GPT2: variants seen among roughly 807,000 people sequenced by gnomAD.
GPT2 encodes alanine aminotransferase 2.
GPT2 carries 30 observed loss-of-function variants against 56.9 expected under a neutral mutation model. That is an observed-to-expected ratio of 0.53 (90% CI 0.39 to 0.72). The LOEUF is 0.72. Ranked by LOEUF, GPT2 falls within the 30% of genes least tolerant of loss-of-function variation. GPT2 has a pLI of 0.00. For synonymous variants in GPT2, 271 were observed against 283.1 expected (o/e 0.96, Z 0.43); for missense variants, 542 against 703.4 (o/e 0.77, Z 2.60).
rs568478388 is a variant in GPT2, at chr16:46,884,564, G to A, written c.-23+97G>A. The stretch of plus-strand genomic sequence containing the variant: ...GCCGTGGAGGGTCCGGGTCGCCGGG[G>A]GATGGGCACCAGCGCCGAAGCCAGG... On this transcript the variant is annotated intron_variant, in intron 1 of 11. Coordinates refer to ENST00000340124, the MANE Select transcript of GPT2 (RefSeq NM_133443.4). 38 of 991,560 alleles carry A rather than the reference G, an allele frequency of 3.8e-5. 1 individual carries two copies. The highest frequency in any genetic ancestry group is 1.3e-6 in the Non-Finnish European group (1 of 765,226). 61.4% of individuals were successfully genotyped at this position (991,560 alleles called of 1,614,324 possible).
chr16:46,901,734 C>T (rs1258439675), intron 4 of GPT2, among the ~76,000 whole-genome samples: 1 of 152,124 alleles, frequency 6.6e-6, no homozygotes, highest in African/African-American at 2.4e-5. Context: ...CTGCTCCGTC[C>T]CTTATTGACG....
At chr16:46,888,723 C>CA (rs1330300382) in intron 2 of GPT2, among the ~76,000 whole-genome samples, 1 of 152,130 alleles carries the variant, frequency 6.6e-6, no homozygotes, top group East Asian at 1.9e-4. Flanking sequence ...AATCATGACT[C>CA]ACTGCAGCCT....
intron 2 of GPT2, among the ~76,000 whole-genome samples, chr16:46,893,791 G>A (rs1014542968): frequency 6.6e-6 from 1 of 152,200 alleles, no homozygotes; most frequent in Admixed American, 6.5e-5. Flanking sequence ...GATATGTGCA[G>A]GTGGATTCGA....
At chr16:46,900,883 GGT>G in intron 4 of GPT2, 93 bp downstream of exon 4, 1 of 990,126 alleles carries the variant, frequency 1.0e-6, no homozygotes, top group Non-Finnish European at 1.6e-6. Context: ...CATGCGAATG[GGT>G]GTGTGAACGT....
chr16:46,921,578 C>T (rs931133075), intron 8 of GPT2, among the ~76,000 whole-genome samples: 18 of 152,122 alleles, frequency 1.2e-4, no homozygotes, highest in African/African-American at 4.1e-4. Flanking sequence ...CAGGCACCTG[C>T]GTTCCTGTGG....
chr16:46,887,495 G>A (rs1257475987), intron 2 of GPT2, among the ~76,000 whole-genome samples: 1 of 152,186 alleles, frequency 6.6e-6, no homozygotes, highest in Non-Finnish European at 1.5e-5. Flanking sequence ...ATTGGTTAGA[G>A]ATGGGATGGG....
chr16:46,895,246 C>A (rs1349952235), intron 2 of GPT2, among the ~76,000 whole-genome samples: 1 of 152,086 alleles, frequency 6.6e-6, no homozygotes, highest in African/African-American at 2.4e-5. Context: ...AGGGTCAGGC[C>A]AGGCGAGGTG....
chr16:46,923,187 C>T (rs896105499), intron 9 of GPT2, among the ~76,000 whole-genome samples: 1 of 152,174 alleles, frequency 6.6e-6, no homozygotes, highest in African/African-American at 2.4e-5. Context: ...GTTGGCCGGG[C>T]GTAGCGGCTC....
intron 3 of GPT2, among the ~76,000 whole-genome samples, chr16:46,899,035 A>ATATATATATTTTTTT (rs1567335287): frequency 2.6e-5 from 2 of 77,226 alleles, no homozygotes; most frequent in African/African-American, 1.8e-4. Context: ...ATATATATAT[A>ATATATATATTTTTTT]TTTTTTTTTT....
rs1215825694 is a variant in GPT2 at position 46,931,238 on chromosome 16, T to A, written c.*2241T>A. On this transcript the variant is annotated 3_prime_UTR_variant, in exon 12 of 12. Coordinates refer to ENST00000340124, the MANE Select transcript of GPT2 (RefSeq NM_133443.4). ...CACAGGTATCTCCTGACAGAGGTAC[T>A]TAACAATGGCTCTGCTGGAAATTTC... The A allele has an allele frequency of 6.6e-6, 1 of 152,224 alleles. No individual in the cohort carries two copies. The highest frequency in any genetic ancestry group is 2.4e-5 in the African/African-American group (1 of 41,460). 9.4% of individuals were successfully genotyped at this position (152,224 alleles called of 1,614,324 possible). A position where few individuals can be genotyped will look rare whatever the true frequency, so the allele number is the denominator to read the frequency against.
chr16:46,890,486 G>T (rs1960565949), intron 2 of GPT2, among the ~76,000 whole-genome samples: 1 of 152,142 alleles, frequency 6.6e-6, no homozygotes, highest in African/African-American at 2.4e-5. Context: ...CTGTCACTGG[G>T]GCATGGGTGA....
At chr16:46,928,346 C>T (rs1961459328) in intron 11 of GPT2, among the ~76,000 whole-genome samples, 1 of 151,354 alleles carries the variant, frequency 6.6e-6, no homozygotes. Flanking sequence ...AAAATATGGC[C>T]AGGTGCAGTG....
At chr16:46,904,805 T>C (rs1196728597) in intron 4 of GPT2, among the ~76,000 whole-genome samples, 2 of 152,140 alleles carry the variant, frequency 1.3e-5, no homozygotes, top group African/African-American at 4.8e-5. Context: ...AAATAGCAAC[T>C]AAATCACCTA....
At chr16:46,913,636 A>G (rs928938249) in intron 6 of GPT2, among the ~76,000 whole-genome samples, 2 of 152,240 alleles carry the variant, frequency 1.3e-5, no homozygotes, top group African/African-American at 4.8e-5. Context: ...ACAGTCTTAC[A>G]AGGTACGTGT....
At chr16:46,920,933 G>A (rs146885956) in intron 8 of GPT2, among the ~76,000 whole-genome samples, 47 of 152,246 alleles carry the variant, frequency 3.1e-4, no homozygotes, top group African/African-American at 1.1e-3. Flanking sequence ...ATCCTGAGTC[G>A]TGCCCGGTGT....
chr16:46,922,187 C>G, intron 8 of GPT2, 55 bp from the exon 9 acceptor site: 1 of 1,568,010 alleles, frequency 6.4e-7, no homozygotes, highest in Non-Finnish European at 8.7e-7. Context: ...CCAAATGGCA[C>G]TTTGTTGAGG....
At chr16:46,920,394 T>C (rs868734441) in intron 8 of GPT2, among the ~76,000 whole-genome samples, 4 of 152,150 alleles carry the variant, frequency 2.6e-5, no homozygotes, top group South Asian at 2.1e-4. Flanking sequence ...CGGGTGTGAA[T>C]TGTAAGATTG....
chr16:46,924,291 C>A, intron 9 of GPT2, 98 bp from the exon 10 acceptor site: 1 of 1,353,104 alleles, frequency 7.4e-7, no homozygotes, highest in Non-Finnish European at 1.1e-6. Flanking sequence ...GCAAAGTCAT[C>A]ATCTGGGATT....
rs984057313 is a variant in GPT2, at chr16:46,922,368, C to G, written c.1164C>G (p.Val388=). 6.2e-7 allele frequency: 1 copy of G among 1,613,836 alleles called. No individual in the cohort carries two copies. Among genetic ancestry groups the G allele is most frequent in the Middle Eastern group, 1.7e-4 (1 of 6,056 alleles). The change falls in exon 9 of 12, where the codon GTC becomes GTG. Residue 388 remains valine, a synonymous_variant. Transcript: ENST00000340124. ...PVSGQAAMDI[V]VNPPVAGEES... ...CTGGGCAGGCCGCCATGGACATTGT[C>G]GTGAACCCCCCGGTGGCAGGAGAGG... is the stretch of plus-strand genomic sequence containing the variant.
Sources: allele counts gnomAD v4.1 joint callset (sites outside exome capture counted in the v4.1 genomes callset), GRCh38; gene constraint gnomAD v4.1.1; transcripts MANE v1.5; gene names NCBI Gene and HGNC (gene_info 2026-07-23, HGNC 2026-07-21).